The following ZBTB7C variants were observed in gnomAD, a reference collection of about 807,000 sequenced individuals.
ZBTB7C encodes zinc finger and BTB domain containing 7C.
Under a neutral mutation model 25.7 loss-of-function variants are expected in ZBTB7C, and 8 were observed. The ratio of observed to expected loss-of-function variants is 0.31; its 90% CI spans 0.18 to 0.56. The LOEUF (loss-of-function observed/expected upper bound fraction) is 0.56, where lower values mean the gene tolerates loss of function less well. ZBTB7C is among the 20% of genes least tolerant of loss of function. The pLI is 0.91. For synonymous variants in ZBTB7C, 394 were observed against 369.0 expected, an observed-to-expected ratio of 1.07 and a Z score of -0.78; for missense variants, 824 against 855.2, an observed-to-expected ratio of 0.96 and a Z score of 0.46.
At chr18:48,165,421 A>G (rs56184956) in intron 3 of ZBTB7C, 95,781 of 324,296 alleles carry the variant, frequency 0.3, 19,442 homozygotes, top group African/African-American at 0.71. Flanking sequence ...CTGTATTCAG[A>G]GAGCAAACTT....
chr18:48,039,515 T>TCAAA (rs1172522387), intron 4 of ZBTB7C, among the ~76,000 whole-genome samples: 1 of 152,138 alleles, frequency 6.6e-6, no homozygotes, highest in Non-Finnish European at 1.5e-5. Context: ...CTTCTCCAAA[T>TCAAA]CAAACAAAGG....
intron 2 of ZBTB7C, among the ~76,000 whole-genome samples, chr18:48,255,314 AAAGTT>A (rs2043989558): frequency 6.6e-6 from 1 of 152,256 alleles, no homozygotes; most frequent in Non-Finnish European, 1.5e-5. Context: ...ATATGTTTAA[AAAGTT>A]AAGATATAGA....
intron 1 of ZBTB7C, among the ~76,000 whole-genome samples, chr18:48,347,075 G>A (rs1369982480): frequency 1.4e-5 from 2 of 143,672 alleles, no homozygotes; most frequent in South Asian, 4.5e-4. Context: ...GAGCCACCAC[G>A]CTGGGCCAGC....
chr18:48,295,360 C>T (rs1032226469), intron 2 of ZBTB7C, among the ~76,000 whole-genome samples: 1 of 152,176 alleles, frequency 6.6e-6, no homozygotes, highest in African/African-American at 2.4e-5. Flanking sequence ...TTCTAGCTTA[C>T]TCAGCATGAT....
intron 2 of ZBTB7C, among the ~76,000 whole-genome samples, chr18:48,191,528 T>G (rs1351515109): frequency 6.6e-6 from 1 of 152,226 alleles, no homozygotes; most frequent in Non-Finnish European, 1.5e-5. Context: ...GGAGGTGAGC[T>G]CCATGGTGGC....
In ZBTB7C at chr18:48,027,261, T is replaced by C. The variant is rs1009476362; in HGVS notation, c.*1999A>G. 6.6e-6 allele frequency: 1 copy of C among 151,870 alleles called. No individual in the cohort carries two copies. The highest frequency in any genetic ancestry group is 2.4e-5 in the African/African-American group (1 of 41,352). The allele number at this position is 151,870 out of a possible 1,614,324, so 9.4% of individuals were successfully genotyped here. A position where few individuals can be genotyped will look rare whatever the true frequency, so the allele number is the denominator to read the frequency against. The stretch of plus-strand genomic sequence containing the variant: ...GCAGCCAAGAAAAAACAGAAAGAAC[T>C]AACCAGTCATCTGAAAAATTGAGTT... On this transcript the variant is annotated 3_prime_UTR_variant, in exon 5 of 5. Transcript: ENST00000590800.
At chr18:48,155,892 T>G (rs1440717018) in intron 3 of ZBTB7C, among the ~76,000 whole-genome samples, 1 of 151,988 alleles carries the variant, frequency 6.6e-6, no homozygotes, top group Non-Finnish European at 1.5e-5. Flanking sequence ...TCTAACCGGG[T>G]TGGAAATAGA....
chr18:48,207,416 C>T (rs1048932809), intron 2 of ZBTB7C, among the ~76,000 whole-genome samples: 3 of 152,048 alleles, frequency 2.0e-5, no homozygotes, highest in Admixed American at 6.6e-5. Flanking sequence ...TCAAAATATC[C>T]ATCAACAATA....
chr18:48,168,496 T>C (rs1728907268), intron 3 of ZBTB7C, among the ~76,000 whole-genome samples: 1 of 152,226 alleles, frequency 6.6e-6, no homozygotes, highest in Admixed American at 6.5e-5. Context: ...ATCTACGATA[T>C]ACAAAGAGCT....
At chr18:48,177,958 C>T (rs779558182) in intron 3 of ZBTB7C, among the ~76,000 whole-genome samples, 15 of 152,076 alleles carry the variant, frequency 9.9e-5, no homozygotes, top group African/African-American at 2.7e-4. Context: ...GAGGTCACAG[C>T]GCTGGTAAGG....
chr18:48,366,235 T>C (rs771370812), intron 1 of ZBTB7C, among the ~76,000 whole-genome samples: 12 of 152,172 alleles, frequency 7.9e-5, no homozygotes, highest in Non-Finnish European at 1.3e-4. Flanking sequence ...GGGGGAAAGA[T>C]AGACTTTTCA....
At chr18:48,389,287 G>A (rs1162715447) in intron 1 of ZBTB7C, among the ~76,000 whole-genome samples, 2 of 136,948 alleles carry the variant, frequency 1.5e-5, no homozygotes, top group East Asian at 4.4e-4. Context: ...GTTGGGCCTT[G>A]TGAGCACCTG....
intron 1 of ZBTB7C, among the ~76,000 whole-genome samples, chr18:48,365,370 A>C (rs2047198609): frequency 6.6e-6 from 1 of 152,220 alleles, no homozygotes; most frequent in African/African-American, 2.4e-5. Context: ...AGTGTGAATG[A>C]GACCTGTGAA....
intron 2 of ZBTB7C, among the ~76,000 whole-genome samples, chr18:48,261,109 C>T (rs1246145214): frequency 2.0e-5 from 3 of 152,126 alleles, no homozygotes; most frequent in African/African-American, 7.2e-5. Flanking sequence ...TGAAGAGTTC[C>T]AGGGGCAACA....
intron 2 of ZBTB7C, among the ~76,000 whole-genome samples, chr18:48,294,270 C>G (rs1039899753): frequency 6.6e-6 from 1 of 152,178 alleles, no homozygotes; most frequent in Non-Finnish European, 1.5e-5. Context: ...GTGGGAAAGG[C>G]GTTGAACCAG....
rs559544411 is a variant in ZBTB7C at position 48,139,966 on chromosome 18, G to A, written c.-17+45968C>T. On this transcript the variant is annotated intron_variant, in intron 3 of 4. Coordinates refer to ENST00000590800, the MANE Select transcript of ZBTB7C (RefSeq NM_001318841.2). The stretch of plus-strand genomic sequence containing the variant: ...TCTCAGCCCCCACCTCTGGCTCCCC[G>A]CCTTCCCGGTTCAGGTCAGCCAGAG... Among the ~76,000 whole-genome samples, 12 of 151,936 alleles carry A rather than the reference G, an allele frequency of 7.9e-5. No individual in the cohort carries two copies. In the South Asian group the frequency reaches 1.0e-3, roughly 13 times the overall value.
chr18:48,314,260 G>A (rs555733293), intron 2 of ZBTB7C, among the ~76,000 whole-genome samples: 43 of 152,244 alleles, frequency 2.8e-4, no homozygotes, highest in African/African-American at 8.9e-4. Context: ...TGCAATATGC[G>A]GGATTACTGA....
At chr18:48,192,380 T>G (rs1453501222) in intron 2 of ZBTB7C, among the ~76,000 whole-genome samples, 1 of 152,200 alleles carries the variant, frequency 6.6e-6, no homozygotes, top group Non-Finnish European at 1.5e-5. Flanking sequence ...ACTGTAAAGG[T>G]GGATAGATGA....
At chr18:48,354,759 G>A (rs989917833) in intron 1 of ZBTB7C, among the ~76,000 whole-genome samples, 4 of 152,124 alleles carry the variant, frequency 2.6e-5, no homozygotes, top group Admixed American at 6.5e-5. Context: ...GGTGTGTCAG[G>A]GCTGGTCCAA....
Sources: gnomAD v4.1 joint callset for allele counts (sites outside exome capture counted in the v4.1 genomes callset) on GRCh38, gnomAD v4.1.1 for gene constraint, MANE v1.5 for transcripts, NCBI Gene and HGNC (gene_info 2026-07-23, HGNC 2026-07-21) for gene names.